OR2Z1: variants seen among roughly 807,000 people sequenced by gnomAD.
OR2Z1 encodes the protein olfactory receptor 2Z1.
For missense variants in OR2Z1, 449 were observed against 401.8 expected, an observed-to-expected ratio of 1.12 and a Z score of -1.00; for synonymous variants, 188 against 160.6, an observed-to-expected ratio of 1.17 and a Z score of -1.29.
intron 2 of OR2Z1, among the ~76,000 whole-genome samples, chr19:8,723,688 G>T (rs1467705252): frequency 6.6e-6 from 1 of 151,688 alleles, no homozygotes; most frequent in Admixed American, 6.6e-5. Context: ...GTGGTGGGGC[G>T]ATGACACTGT....
intron 2 of OR2Z1, 142 bp from the exon 3 acceptor site, chr19:8,730,718 G>T: frequency 2.7e-6 from 1 of 364,208 alleles, no homozygotes; most frequent in Non-Finnish European, 5.0e-6. Flanking sequence ...ACGTCCAGCC[G>T]AACCTCAAAT....
chr19:8,726,980 C>T (rs1201515519), intron 2 of OR2Z1, among the ~76,000 whole-genome samples: 1 of 152,026 alleles, frequency 6.6e-6, no homozygotes, highest in African/African-American at 2.4e-5. Flanking sequence ...AACAGGGTCT[C>T]GCTCAGTCTC....
chr19:8,728,441 C>A (rs1451708357), intron 2 of OR2Z1, among the ~76,000 whole-genome samples: 2 of 152,178 alleles, frequency 1.3e-5, no homozygotes, highest in African/African-American at 2.4e-5. Context: ...GTGAAGCCAC[C>A]AGTAATAGCT....
At chr19:8,724,976 C>A (rs1461300863) in intron 2 of OR2Z1, among the ~76,000 whole-genome samples, 1 of 152,144 alleles carries the variant, frequency 6.6e-6, no homozygotes, top group African/African-American at 2.4e-5. Context: ...TCTGGAACAA[C>A]CTTCCCTCTT....
chr19:8,730,814 C>T (rs2043349196), intron 2 of OR2Z1, 46 bp from the exon 3 acceptor site: 2 of 589,520 alleles, frequency 3.4e-6, no homozygotes, highest in East Asian at 5.6e-5. Flanking sequence ...TCTTTCCCAT[C>T]CCATGCCTTG....
intron 2 of OR2Z1, chr19:8,729,116 T>C (rs112844809): frequency 6.3e-6 from 8 of 1,266,828 alleles, no homozygotes; most frequent in African/African-American, 4.4e-5. Context: ...GTGGACACCT[T>C]TCAACACTGC....
At chr19:8,725,626 A>G (rs1356936227) in intron 2 of OR2Z1, among the ~76,000 whole-genome samples, 3 of 152,230 alleles carry the variant, frequency 2.0e-5, no homozygotes, top group East Asian at 1.9e-4. Flanking sequence ...TTTCACTGTT[A>G]GAAAGTTCTT....
intron 2 of OR2Z1, among the ~76,000 whole-genome samples, chr19:8,725,727 T>C (rs2043324594): frequency 6.6e-6 from 1 of 152,252 alleles, no homozygotes. Context: ...ATGAAGGTCA[T>C]CAGATAGCAA....
intron 2 of OR2Z1, among the ~76,000 whole-genome samples, chr19:8,725,200 A>G (rs1555756033): frequency 6.6e-6 from 1 of 152,154 alleles, no homozygotes; most frequent in Non-Finnish European, 1.5e-5. Context: ...TCTAAATTCT[A>G]TAACTGCAGG....
rs1305507339 is a variant in OR2Z1 at position 8,731,651 on chromosome 19, T to A, written c.623T>A (p.Met208Lys). 3 of 1,613,922 alleles carry A rather than the reference T, an allele frequency of 1.9e-6. No individual in the cohort carries two copies. The African/African-American group carries it at 4.0e-5, about 22-fold the overall frequency. The part of the protein sequence containing the change: ...ALSTSGVLIL[M>K]LPLSLIATSY... ...TCCACCTCAGGGGTGCTGATCCTAA[T>A]GCTCCCTCTTTCCCTCATCGCCACC... Residue 208 changes from methionine (M) to lysine (K), a missense_variant, in exon 3 of 3, where the codon ATG becomes AAG. Physicochemically the swap from Met to Lys is moderately conservative, Grantham distance 95 (BLOSUM62 -1). Transcript: ENST00000641125.
chr19:8,731,598 A>C lies in OR2Z1; in HGVS notation c.570A>C (p.Ala190=), dbSNP rs141953968. 43 of 1,613,022 alleles carry C rather than the reference A, an allele frequency of 2.7e-5. No individual in the cohort carries two copies. The highest frequency in any genetic ancestry group is 3.5e-5 in the Non-Finnish European group (41 of 1,179,998). ...EVPALLKLSC[A]DTCAYEMALS... ...CAGCCCTACTGAAGCTCTCCTGTGC[A>C]GATACCTGTGCCTACGAGATGGCGC... The change falls in exon 3 of 3, where the codon GCA becomes GCC. Residue 190 remains alanine (A), a synonymous_variant. Coordinates refer to ENST00000641125, the MANE Select transcript of OR2Z1 (RefSeq NM_001004699.3).
In OR2Z1 at chr19:8,730,884, A is replaced by T. The variant is rs535898325; in HGVS notation, c.-145A>T. 11 of 637,180 alleles carry T rather than the reference A, an allele frequency of 1.7e-5. No homozygotes were observed. Among genetic ancestry groups the T allele is most frequent in the Admixed American group, 1.4e-4 (5 of 35,428 alleles). The allele number at this position is 637,180 out of a possible 1,614,324, so 39.5% of individuals were successfully genotyped here. A position where few individuals can be genotyped will look rare whatever the true frequency, so the allele number is the denominator to read the frequency against. ...GCCTACTGATTCTAGCTGCAGCCTCATTACTCTTCTCAAGACACCATCCCA... is the reference window on the plus strand; with the variant it reads ...GCCTACTGATTCTAGCTGCAGCCTCTTTACTCTTCTCAAGACACCATCCCA... On this transcript the variant is annotated 5_prime_UTR_variant, in exon 3 of 3. Coordinates refer to ENST00000641125, the MANE Select transcript of OR2Z1 (RefSeq NM_001004699.3).
chr19:8,729,411 G>GTT (rs34124566), intron 2 of OR2Z1, among the ~76,000 whole-genome samples: 8,980 of 142,382 alleles, frequency 0.063, 342 homozygotes, highest in Middle Eastern at 0.089. Flanking sequence ...CAATGAACAG[G>GTT]TTTTTTTTTT....
intron 2 of OR2Z1, among the ~76,000 whole-genome samples, chr19:8,726,441 G>A (rs2043327913): frequency 6.6e-6 from 1 of 152,192 alleles, no homozygotes; most frequent in African/African-American, 2.4e-5. Flanking sequence ...GGGGACACAG[G>A]TCCAAACCAT....
At position 8,731,391 on chromosome 19, in the gene OR2Z1, C is replaced by A; in HGVS notation, c.363C>A (p.Asp121Glu). 6.2e-7 allele frequency: 1 copy of A among 1,614,070 alleles called. No individual in the cohort carries two copies. ...EGVLLVLMSY[D>E]RYVAVCQPLQ... ...TCCTGTTGGTCCTCATGTCTTATGACCGTTATGTTGCTGTGTGCCAGCCCC... is the reference window on the plus strand; with the variant it reads ...TCCTGTTGGTCCTCATGTCTTATGAACGTTATGTTGCTGTGTGCCAGCCCC... Residue 121 changes from aspartate to glutamate, a missense_variant, in exon 3 of 3, where the codon GAC (aspartate) becomes GAA (glutamate). Asp to Glu is a conservative substitution (Grantham distance 45). Coordinates refer to ENST00000641125, the MANE Select transcript of OR2Z1 (RefSeq NM_001004699.3).
chr19:8,731,521 C>A lies in OR2Z1; in HGVS notation c.493C>A (p.His165Asn). ...NASIQTSITLHFPYCASRIVD... is the reference protein window; with the variant it reads ...NASIQTSITLNFPYCASRIVD... ...CTCCATCCAGACCTCCATCACCCTG[C>A]ATTTTCCCTACTGTGCCTCCCGTAT... The change falls in exon 3 of 3, where the codon CAT (histidine) becomes AAT (asparagine). Residue 165 changes from histidine to asparagine, a missense_variant. His to Asn is a moderately conservative substitution (Grantham distance 68). Coordinates refer to ENST00000641125, the MANE Select transcript of OR2Z1 (RefSeq NM_001004699.3). 1 of 1,614,138 alleles carries A rather than the reference C, an allele frequency of 6.2e-7. No homozygotes were observed. The highest frequency in any genetic ancestry group is 8.5e-7 in the Non-Finnish European group (1 of 1,180,032).
intron 2 of OR2Z1, chr19:8,728,915 C>T (rs1005165514): frequency 2.3e-5 from 15 of 666,296 alleles, no homozygotes; most frequent in Non-Finnish European, 3.6e-5. Context: ...CCACAATGAA[C>T]GAAAGTGTGT....
At chr19:8,730,746 A>T in intron 2 of OR2Z1, 114 bp from the exon 3 acceptor site, 1 of 473,346 alleles carries the variant, frequency 2.1e-6, no homozygotes, top group Non-Finnish European at 3.8e-6. Context: ...TATAGGGAGC[A>T]GTGGGTAGCT....
At chr19:8,723,278 G>A (rs1268268220) in intron 2 of OR2Z1, 128 bp downstream of exon 2, 1 of 151,942 alleles carries the variant, frequency 6.6e-6, no homozygotes, top group African/African-American at 2.4e-5. Context: ...CTTCTGCCTG[G>A]AATAAACTTC....
Sources: allele counts gnomAD v4.1 joint callset (sites outside exome capture counted in the v4.1 genomes callset), GRCh38; gene constraint gnomAD v4.1.1; transcripts MANE v1.5; gene names NCBI Gene and HGNC (gene_info 2026-07-23, HGNC 2026-07-21).